Variants in CACNA1G observed in about 807,000 individuals in gnomAD.
The protein encoded by CACNA1G is voltage-dependent T-type calcium channel subunit alpha-1G.
CACNA1G carries 67 observed loss-of-function variants against 219.4 expected under a neutral mutation model. That is an observed-to-expected ratio of 0.31 (90% confidence interval 0.25 to 0.37). The LOEUF (loss-of-function observed/expected upper bound fraction) is 0.37. Ranked by LOEUF, CACNA1G falls within the 10% of genes least tolerant of loss-of-function variation. CACNA1G has a pLI of 1.00. For synonymous variants in CACNA1G, 1,296 were observed against 1,345.3 expected, an observed-to-expected ratio of 0.96 and a Z score of 0.80; for missense variants, 2,380 against 3,231.4, an observed-to-expected ratio of 0.74 and a Z score of 6.39.
rs151304938 is a variant in CACNA1G at position 50,585,355 on chromosome 17, T to C, written c.2302-5116T>C. On this transcript the variant is annotated intron_variant, in intron 9 of 37. Transcript: ENST00000359106. ...TAGCAGGGGCCTTGGGTCAGCTGTC[T>C]TGAAGCTGAGTGGGCACCGTGAGTG... 3.3e-3 allele frequency among the ~76,000 whole-genome samples: 504 copies of C among 152,294 alleles called. 6 individuals carry two copies. Among genetic ancestry groups the C allele is most frequent in the African/African-American group, 0.012 (483 of 41,534 alleles).
chr17:50,599,559 C>G lies in CACNA1G; in HGVS notation c.3390C>G (p.Ser1130=). 6.2e-7 allele frequency: 1 copy of G among 1,612,892 alleles called. No homozygotes were observed. The highest frequency in any genetic ancestry group is 1.7e-5 in the Admixed American group (1 of 59,938). The change falls in exon 17 of 38, where the codon TCC becomes TCG. Residue 1130 remains serine (S), a synonymous_variant. Coordinates refer to ENST00000359106, the MANE Select transcript of CACNA1G (RefSeq NM_018896.5). ...KRRSPSGERR[S]LLSGEGQESQ... ...GAAGCCCAAGTGGAGAGCGGCGGTC[C>G]CTGTTGTCGGGAGAAGGCCAGGAGA...
intron 9 of CACNA1G, among the ~76,000 whole-genome samples, chr17:50,580,350 G>A (rs1262406762): frequency 1.3e-5 from 2 of 152,020 alleles, no homozygotes; most frequent in Admixed American, 6.6e-5. Context: ...CTGAACCTCA[G>A]CCTCCTTTCC....
At chr17:50,581,171 G>A (rs1319820230) in intron 9 of CACNA1G, among the ~76,000 whole-genome samples, 4 of 151,852 alleles carry the variant, frequency 2.6e-5, no homozygotes, top group Non-Finnish European at 2.9e-5. Context: ...GAGCCACAGC[G>A]GAGACAGACA....
At chr17:50,590,791 A>G (rs1598363322) in intron 10 of CACNA1G, among the ~76,000 whole-genome samples, 169 bp downstream of exon 10, 1 of 151,796 alleles carries the variant, frequency 6.6e-6, no homozygotes, top group Non-Finnish European at 1.5e-5. Flanking sequence ...CTGTGTCCCC[A>G]TGCCCCCTCC....
chr17:50,618,729 C>A lies in CACNA1G; in HGVS notation c.5502C>A (p.Phe1834Leu). Residue 1834 changes from phenylalanine (F) to leucine (L), a missense_variant, in exon 33 of 38, where the codon TTC becomes TTA. Physicochemically the swap from Phe to Leu is conservative, Grantham distance 22 (BLOSUM62 0). Coordinates refer to ENST00000359106, the MANE Select transcript of CACNA1G (RefSeq NM_018896.5). The surrounding 1 kb of genome is among the most constrained non-coding windows in gnomAD (Gnocchi z 5.3). ...TVISPIYFVS[F>L]VLTAQFVLVN... is the part of the protein sequence containing the mutation. ...TCTCGCCTATCTACTTTGTGTCCTT[C>A]GTGCTGACGGCCCAGTTCGTGCTAG... The A allele has an allele frequency of 6.2e-7, 1 of 1,613,986 alleles. No homozygotes were observed. Among genetic ancestry groups the A allele is most frequent in the Non-Finnish European group, 8.5e-7 (1 of 1,179,882 alleles).
At chr17:50,594,928 C>G (rs185829524) in intron 13 of CACNA1G, 65 bp from the exon 14 acceptor site, 3 of 1,246,424 alleles carry the variant, frequency 2.4e-6, no homozygotes, top group Non-Finnish European at 3.4e-6. Flanking sequence ...TCGACACTGC[C>G]GATATCTGAA....
At chr17:50,620,045 C>T (rs1349403927) in intron 34 of CACNA1G, among the ~76,000 whole-genome samples, 1 of 151,956 alleles carries the variant, frequency 6.6e-6, no homozygotes, top group East Asian at 1.9e-4. Flanking sequence ...GAGATTGCCC[C>T]TCTGATGAGA....
chr17:50,585,032 G>A (rs2042730557), intron 9 of CACNA1G, among the ~76,000 whole-genome samples: 1 of 152,154 alleles, frequency 6.6e-6, no homozygotes, highest in Non-Finnish European at 1.5e-5. Flanking sequence ...GGCAGGGCAG[G>A]AGCTCTTGAA....
Position 50,627,237 on chromosome 17 carries a change from G to A in CACNA1G, c.*486G>A, listed in dbSNP as rs572608825. On this transcript the variant is annotated 3_prime_UTR_variant, in exon 38 of 38. Coordinates refer to ENST00000359106, the MANE Select transcript of CACNA1G (RefSeq NM_018896.5). ...CTTGCAAAGCACAAGCTGGGACCGC[G>A]AGCACATTGCAGCCCCAACGGTGGC... 1.2e-3 allele frequency: 537 copies of A among 453,854 alleles called. No individual in the cohort carries two copies. The highest frequency in any genetic ancestry group is 1.9e-3 in the Non-Finnish European group (421 of 226,864). The allele number at this position is 453,854 out of a possible 1,614,324, so 28.1% of individuals were successfully genotyped here. A position where few individuals can be genotyped will look rare whatever the true frequency, so the allele number is the denominator to read the frequency against.
At chr17:50,622,173 C>G (rs1481117646) in intron 35 of CACNA1G, among the ~76,000 whole-genome samples, 1 of 147,798 alleles carries the variant, frequency 6.8e-6, no homozygotes, top group Non-Finnish European at 1.5e-5. Flanking sequence ...TGTTCCCCTC[C>G]TCCCCACCCC....
Position 50,594,236 on chromosome 17 carries a change from AT to A in CACNA1G, c.2911-755del, listed in dbSNP as rs1334121031. Among the ~76,000 whole-genome samples, 3 of 152,328 alleles carry A rather than the reference AT, an allele frequency of 2.0e-5. No individual in the cohort carries two copies. The East Asian group carries it at 5.8e-4, about 29-fold the overall frequency. ...CGCCCTGAATCCCTGTGTATTTATCATTCACACACTTAATTAAATGAACAGG... is the reference window on the plus strand; with the variant it reads ...CGCCCTGAATCCCTGTGTATTTATCATCACACACTTAATTAAATGAACAGG... On this transcript the variant is annotated intron_variant, in intron 13 of 37. Coordinates refer to ENST00000359106, the MANE Select transcript of CACNA1G (RefSeq NM_018896.5).
rs2039732275 is a variant in CACNA1G at position 50,572,742 on chromosome 17, C to T, written c.935C>T (p.Thr312Ile). 6.2e-7 allele frequency: 1 copy of T among 1,613,898 alleles called. No individual in the cohort carries two copies. Among genetic ancestry groups the T allele is most frequent in the Admixed American group, 1.7e-5 (1 of 60,012 alleles). ...YEAYNSSSNT[T>I]CVNWNQYYTN... ...GCCTACAACAGCTCCAGCAACACCACCTGTGTCAACTGGAACCAGTACTAC... is the reference window on the plus strand; with the variant it reads ...GCCTACAACAGCTCCAGCAACACCATCTGTGTCAACTGGAACCAGTACTAC... The change falls in exon 6 of 38, where the codon ACC becomes ATC. Residue 312 changes from threonine (T) to isoleucine (I), a missense_variant. Physicochemically the swap from Thr to Ile is moderately conservative, Grantham distance 89. This residue lies in a region of CACNA1G where 72 missense variants were observed against 175.8 expected (regional missense o/e 0.41). Transcript: ENST00000359106.
At chr17:50,613,723 G>A (rs1015826235) in intron 26 of CACNA1G, among the ~76,000 whole-genome samples, 1 of 152,250 alleles carries the variant, frequency 6.6e-6, no homozygotes, top group African/African-American at 2.4e-5. Flanking sequence ...GGCATTTATG[G>A]AGATTAATGC....
At chr17:50,623,849 A>G in intron 35 of CACNA1G, 58 bp from the exon 36 acceptor site, 2 of 1,556,086 alleles carry the variant, frequency 1.3e-6, no homozygotes, top group East Asian at 2.3e-5. Context: ...GCGCTGCCTC[A>G]GTTACCAAAC....
intron 26 of CACNA1G, among the ~76,000 whole-genome samples, chr17:50,615,037 TG>T (rs1182310158): frequency 6.6e-6 from 1 of 152,058 alleles, no homozygotes; most frequent in Non-Finnish European, 1.5e-5. Flanking sequence ...TGCGGAACAC[TG>T]AGTCGAGGGT....
In CACNA1G at chr17:50,591,463, G is replaced by A; in HGVS notation, c.2482G>A (p.Gly828Ser). The A allele has an allele frequency of 6.3e-7, 1 of 1,592,466 alleles. No homozygotes were observed. Among genetic ancestry groups the A allele is most frequent in the Non-Finnish European group, 8.5e-7 (1 of 1,170,380 alleles). ...GTGGGAGATCGTGGGCCAGCAGGGG[G>A]GCGGCCTGTCGGTGCTGCGGACCTT... ...SVWEIVGQQGGGLSVLRTFRL... is the reference protein window; with the variant it reads ...SVWEIVGQQGSGLSVLRTFRL... The change falls in exon 11 of 38, where the codon GGC becomes AGC. Residue 828 changes from glycine (G) to serine (S), a missense_variant. By Grantham distance (56) the Gly-to-Ser change is moderately conservative (BLOSUM62 0). Coordinates refer to ENST00000359106, the MANE Select transcript of CACNA1G (RefSeq NM_018896.5).
intron 9 of CACNA1G, among the ~76,000 whole-genome samples, chr17:50,590,008 G>A (rs925831394): frequency 6.6e-6 from 1 of 152,052 alleles, no homozygotes; most frequent in Non-Finnish European, 1.5e-5. Flanking sequence ...AGTCCACAGA[G>A]TAATTGTGGA....
chr17:50,585,873 C>T (rs1379666769), intron 9 of CACNA1G, among the ~76,000 whole-genome samples: 1 of 152,178 alleles, frequency 6.6e-6, no homozygotes, highest in Non-Finnish European at 1.5e-5. Context: ...GCAGGCAGGC[C>T]CATCAGAAGC....
chr17:50,581,260 T>C (rs1191691470), intron 9 of CACNA1G, among the ~76,000 whole-genome samples: 5 of 150,594 alleles, frequency 3.3e-5, no homozygotes, highest in African/African-American at 4.9e-5. Flanking sequence ...GAGTCCCAGA[T>C]GCAAATGAGG....
Sources: gnomAD v4.1 joint callset for allele counts (sites outside exome capture counted in the v4.1 genomes callset) on GRCh38, gnomAD v4.1.1 for gene constraint, gnomAD v4.1.1 regional missense constraint, Gnocchi (gnomAD v3.1) non-coding constraint, MANE v1.5 for transcripts, NCBI Gene and HGNC (gene_info 2026-07-23, HGNC 2026-07-21) for gene names.